The following DMD variants were observed in gnomAD, a reference collection of about 807,000 sequenced individuals.
The protein encoded by DMD is dystrophin, also known as mutant dystrophin.
In DMD, 63 loss-of-function variants were observed where a neutral mutation model predicts 330.1. That is an observed-to-expected ratio of 0.19 (90% CI 0.16 to 0.24). DMD has a LOEUF of 0.24. DMD is among the 10% of genes least tolerant of loss of function. DMD has a pLI of 1.00. For synonymous variants in DMD, 1,223 were observed against 959.8 expected, an observed-to-expected ratio of 1.27 and a Z score of -5.07; for missense variants, 3,344 against 2,684.1, an observed-to-expected ratio of 1.25 and a Z score of -5.43.
intron 44 of DMD, among the ~76,000 whole-genome samples, chrX:32,151,650 T>A (rs934944293): frequency 1.8e-5 from 2 of 111,976 alleles, no homozygotes; most frequent in African/African-American, 6.5e-5. Flanking sequence ...TCCTGAACAT[T>A]ACTCCAAATC....
intron 44 of DMD, among the ~76,000 whole-genome samples, chrX:31,977,487 T>G (rs957407227): frequency 9.0e-6 from 1 of 111,216 alleles, no homozygotes; most frequent in Non-Finnish European, 1.9e-5. Context: ...ATCAATTAAT[T>G]GATTTTGAGC....
At chrX:32,735,998 A>G (rs1176283308) in intron 7 of DMD, among the ~76,000 whole-genome samples, 2 of 111,662 alleles carry the variant, frequency 1.8e-5, no homozygotes, top group Non-Finnish European at 3.8e-5. Context: ...AATGGGAGAA[A>G]ATTTTTGCAA....
intron 55 of DMD, among the ~76,000 whole-genome samples, chrX:31,517,938 C>G (rs1345114061): frequency 9.2e-6 from 1 of 108,647 alleles, no homozygotes; most frequent in East Asian, 2.9e-4. Flanking sequence ...CACACACACA[C>G]ACACACACAC....
At chrX:33,223,350 G>C (rs1213087794) in intron 1 of DMD, among the ~76,000 whole-genome samples, 1 of 111,637 alleles carries the variant, frequency 9.0e-6, no homozygotes, top group Non-Finnish European at 1.9e-5. Context: ...CAATATTGAA[G>C]GACAAGCACA....
Position 32,614,314 on chromosome X carries a change from G to C in DMD, c.1471C>G (p.Gln491Glu), listed in dbSNP as rs373489300. ...TAAGATACACCTACCTTATGTTGTT[G>C]TACTTGGCGTTTTAGGTCTTCAAGA... ...PDLEDLKRQV[Q>E]QHKVLQEDLE... The change falls in exon 12 of 79, where the codon CAA becomes GAA. Residue 491 changes from glutamine (Q) to glutamate (E), a missense_variant. By Grantham distance (29) the Gln-to-Glu change is conservative. Coordinates refer to ENST00000357033, the MANE Select transcript of DMD (RefSeq NM_004006.3). The C allele has an allele frequency of 1.7e-6, 2 of 1,205,870 alleles. No individual in the cohort carries two copies. Among genetic ancestry groups the C allele is most frequent in the African/African-American group, 1.8e-5 (1 of 56,562 alleles).
intron 7 of DMD, among the ~76,000 whole-genome samples, chrX:32,776,177 C>T (rs1034846581): frequency 1.8e-5 from 2 of 110,891 alleles, no homozygotes; most frequent in African/African-American, 6.6e-5. Flanking sequence ...GAGACTATCT[C>T]AGCCTGGACT....
intron 60 of DMD, among the ~76,000 whole-genome samples, chrX:31,374,575 A>G (rs1427114441): frequency 1.9e-5 from 2 of 103,748 alleles, no homozygotes; most frequent in Non-Finnish European, 2.0e-5. Flanking sequence ...CACATGGACA[A>G]AAGACCAAAC....
intron 17 of DMD, among the ~76,000 whole-genome samples, chrX:32,541,656 G>T (rs888939318): frequency 2.2e-4 from 25 of 111,290 alleles, no homozygotes; most frequent in African/African-American, 8.2e-4. Flanking sequence ...TTTGAGAGTG[G>T]AAGGTGGGAG....
At chrX:33,053,437 A>C (rs777002980) in intron 1 of DMD, among the ~76,000 whole-genome samples, 1 of 110,178 alleles carries the variant, frequency 9.1e-6, no homozygotes, top group East Asian at 2.9e-4. Context: ...CTACTAAAAA[A>C]ATACAAAAAT....
At chrX:31,661,297 A>G (rs933784197) in intron 53 of DMD, among the ~76,000 whole-genome samples, 2 of 111,646 alleles carry the variant, frequency 1.8e-5, no homozygotes, top group African/African-American at 6.5e-5. Context: ...ACTCCCACTG[A>G]CCTTGACTGA....
intron 2 of DMD, among the ~76,000 whole-genome samples, chrX:33,004,726 GTTTAC>G: frequency 9.0e-6 from 1 of 110,884 alleles, no homozygotes; most frequent in East Asian, 2.8e-4. Context: ...AAAAACAATA[GTTTAC>G]TTTATAATGT....
At chrX:32,701,614 T>A (rs1453829047) in intron 7 of DMD, among the ~76,000 whole-genome samples, 2 of 111,502 alleles carry the variant, frequency 1.8e-5, no homozygotes, top group Non-Finnish European at 3.8e-5. Flanking sequence ...ACTAGTCAGC[T>A]GTACCTGTGA....
intron 2 of DMD, among the ~76,000 whole-genome samples, chrX:32,913,584 G>A (rs967898969): frequency 4.5e-5 from 5 of 111,762 alleles, no homozygotes; most frequent in Non-Finnish European, 7.5e-5. Flanking sequence ...CTAGGTAATT[G>A]GGAAATCCAG....
At chrX:31,562,275 T>A (rs1428025790) in intron 55 of DMD, among the ~76,000 whole-genome samples, 4 of 112,029 alleles carry the variant, frequency 3.6e-5, no homozygotes, top group African/African-American at 1.3e-4. Context: ...AAAATACACA[T>A]CCTCTACATA....
chrX:33,299,092 A>G (rs2053625274), intron 1 of DMD, among the ~76,000 whole-genome samples: 1 of 111,691 alleles, frequency 9.0e-6, no homozygotes, highest in Non-Finnish European at 1.9e-5. Flanking sequence ...CTTTCCAAAT[A>G]TTTTCTCTAT....
At chrX:31,783,295 ACT>A (rs979474527) in intron 50 of DMD, among the ~76,000 whole-genome samples, 1 of 111,805 alleles carries the variant, frequency 8.9e-6, no homozygotes, top group Non-Finnish European at 1.9e-5. Context: ...TAGAGACAAG[ACT>A]CTGCAGTGAA....
chrX:31,710,871 T>G (rs1177177212), intron 52 of DMD, among the ~76,000 whole-genome samples: 2 of 111,398 alleles, frequency 1.8e-5, no homozygotes, highest in Non-Finnish European at 3.8e-5. Flanking sequence ...TATGCAGTCC[T>G]TCCTGAAATG....
intron 44 of DMD, among the ~76,000 whole-genome samples, chrX:32,038,297 G>A (rs1210753505): frequency 1.8e-5 from 2 of 111,819 alleles, no homozygotes; most frequent in African/African-American, 6.5e-5. Context: ...GGAAAGGTCT[G>A]GTGTACAGCT....
At chrX:33,281,210 A>ATTT (rs139177044) in intron 1 of DMD, among the ~76,000 whole-genome samples, 1,708 of 92,048 alleles carry the variant, frequency 0.019, 55 homozygotes, top group African/African-American at 0.063. Context: ...ATGCTATTGC[A>ATTT]TTTTTTTTTT....
Sources: gnomAD v4.1 joint callset for allele counts (sites outside exome capture counted in the v4.1 genomes callset) on GRCh38, gnomAD v4.1.1 for gene constraint, MANE v1.5 for transcripts, NCBI Gene and HGNC (gene_info 2026-07-23, HGNC 2026-07-21) for gene names.